Variants in STK32A observed in about 807,000 individuals in gnomAD.
The protein encoded by STK32A is serine/threonine-protein kinase 32A.
Under a neutral mutation model 53.2 loss-of-function variants are expected in STK32A, and 41 were observed. That is an observed-to-expected ratio of 0.77 (90% confidence interval 0.60 to 1.00). The LOEUF (loss-of-function observed/expected upper bound fraction) is 1.00, where lower values mean the gene tolerates loss of function less well. STK32A is among the 50% of genes least tolerant of loss of function. STK32A has a pLI of 0.00. For missense variants in STK32A, 458 were observed against 485.8 expected, an observed-to-expected ratio of 0.94 and a Z score of 0.54; for synonymous variants, 166 against 162.8, an observed-to-expected ratio of 1.02 and a Z score of -0.15.
chr5:147,287,287 C>T (rs183308375), intron 4 of STK32A, among the ~76,000 whole-genome samples: 5 of 152,156 alleles, frequency 3.3e-5, no homozygotes, highest in South Asian at 4.2e-4. Flanking sequence ...CATTTTAATG[C>T]GTCCATTATG....
At chr5:147,357,229 T>C (rs1416624763) in intron 7 of STK32A, among the ~76,000 whole-genome samples, 1 of 152,158 alleles carries the variant, frequency 6.6e-6, no homozygotes, top group Non-Finnish European at 1.5e-5. Context: ...TGAAAATTCA[T>C]ATTAACTTGT....
chr5:147,312,768 T>C (rs1753767162), intron 4 of STK32A, among the ~76,000 whole-genome samples: 1 of 152,230 alleles, frequency 6.6e-6, no homozygotes, highest in Non-Finnish European at 1.5e-5. Flanking sequence ...ACTGACGTAC[T>C]GCTGGTGGCA....
intron 11 of STK32A, among the ~76,000 whole-genome samples, chr5:147,381,944 A>G (rs1757471022): frequency 6.6e-6 from 1 of 152,148 alleles, no homozygotes; most frequent in Admixed American, 6.5e-5. Context: ...AAAATACACT[A>G]ACACTAACGA....
In STK32A at chr5:147,375,044, G is replaced by C. The variant is rs1409622285; in HGVS notation, c.904-46G>C. The C allele has an allele frequency of 3.2e-6, 5 of 1,546,336 alleles. No individual in the cohort carries two copies. In the African/African-American group the frequency reaches 4.2e-5, roughly 13 times the overall value. On this transcript the variant is annotated intron_variant, in intron 10 of 12. Coordinates refer to ENST00000397936, the MANE Select transcript of STK32A (RefSeq NM_001112724.2). The stretch of plus-strand genomic sequence containing the variant: ...CGTATTAGGTCTGCTGTGTTTTTCA[G>C]AATGATACAGTAATCTGAGGATTGA...
At chr5:147,239,731 A>T (rs1446634478) in intron 2 of STK32A, 45 bp downstream of exon 2, 2 of 1,427,796 alleles carry the variant, frequency 1.4e-6, no homozygotes, top group Non-Finnish European at 1.9e-6. Flanking sequence ...GAATTTTGCA[A>T]AATTCAAGTA....
intron 10 of STK32A, among the ~76,000 whole-genome samples, chr5:147,373,737 CTTTG>C (rs1757109160): frequency 6.6e-6 from 1 of 152,068 alleles, no homozygotes; most frequent in South Asian, 2.1e-4. Context: ...GCCCCTCATC[CTTTG>C]TTTGTTCTGT....
chr5:147,256,063 C>T (rs766408133), intron 2 of STK32A, among the ~76,000 whole-genome samples: 1 of 152,178 alleles, frequency 6.6e-6, no homozygotes, highest in Non-Finnish European at 1.5e-5. Flanking sequence ...AGTTATTTGG[C>T]AGAGTGTCCA....
At chr5:147,305,622 A>G (rs1753369387) in intron 4 of STK32A, among the ~76,000 whole-genome samples, 1 of 152,098 alleles carries the variant, frequency 6.6e-6, no homozygotes, top group Non-Finnish European at 1.5e-5. Context: ...GAGAAATTAA[A>G]TCATTTAATG....
intron 2 of STK32A, among the ~76,000 whole-genome samples, chr5:147,242,144 T>C (rs1343560997): frequency 6.6e-6 from 1 of 152,202 alleles, no homozygotes; most frequent in Non-Finnish European, 1.5e-5. Context: ...CCTTTTCTGT[T>C]GTCTGGCTTC....
At position 147,355,788 on chromosome 5, in the gene STK32A, G is replaced by GTATATATATATATATA. The variant is rs1354487817; in HGVS notation, c.562+4635_562+4636insATATATATATATATAT. On this transcript the variant is annotated intron_variant, in intron 7 of 12. Transcript: ENST00000397936. ...TGTATATGTATGTGTGTGAGTGTGTGTGTGTATATATATATATATATATAA... is the reference window on the plus strand; with the variant it reads ...TGTATATGTATGTGTGTGAGTGTGTGTATATATATATATATATGTGTATATATATATATATATATAA... 2.3e-3 allele frequency among the ~76,000 whole-genome samples: 317 copies of GTATATATATATATATA among 137,444 alleles called. 2 individuals carry two copies. Among genetic ancestry groups the GTATATATATATATATA allele is most frequent in the African/African-American group, 8.2e-3 (307 of 37,336 alleles). 90.2% of individuals were successfully genotyped at this position (137,444 alleles called of 152,430 possible). A position where few individuals can be genotyped will look rare whatever the true frequency, so the allele number is the denominator to read the frequency against.
intron 4 of STK32A, among the ~76,000 whole-genome samples, chr5:147,295,192 C>G (rs1752811295): frequency 6.6e-6 from 1 of 152,166 alleles, no homozygotes; most frequent in Non-Finnish European, 1.5e-5. Context: ...CCATATAACT[C>G]AGACATTTTA....
At chr5:147,360,716 A>G (rs992314466) in intron 7 of STK32A, among the ~76,000 whole-genome samples, 2 of 152,202 alleles carry the variant, frequency 1.3e-5, no homozygotes, top group African/African-American at 4.8e-5. Context: ...CAGATTCTGT[A>G]TTAGACAGTA....
chr5:147,383,177 A>G (rs955494941), intron 11 of STK32A: 4 of 458,448 alleles, frequency 8.7e-6, no homozygotes, highest in Admixed American at 9.0e-5. Context: ...GCAAGCTTTC[A>G]ATAGACTCCA....
At chr5:147,369,871 T>C (rs1051892936) in intron 8 of STK32A, among the ~76,000 whole-genome samples, 1 of 152,170 alleles carries the variant, frequency 6.6e-6, no homozygotes, top group African/African-American at 2.4e-5. Flanking sequence ...TGGCTGTGAG[T>C]ATCTTACAGT....
intron 5 of STK32A, among the ~76,000 whole-genome samples, chr5:147,324,682 T>C (rs35017781): frequency 6.6e-6 from 1 of 152,236 alleles, no homozygotes; most frequent in African/African-American, 2.4e-5. Flanking sequence ...TGATTTTATA[T>C]ATAGTATCTC....
At chr5:147,374,990 C>T in intron 10 of STK32A, 100 bp from the exon 11 acceptor site, 1 of 1,069,126 alleles carries the variant, frequency 9.4e-7, no homozygotes, top group Non-Finnish European at 1.3e-6. Flanking sequence ...TATTCATGGA[C>T]TGCTCCGTTA....
intron 4 of STK32A, among the ~76,000 whole-genome samples, chr5:147,304,677 T>A (rs1290458009): frequency 6.6e-6 from 1 of 152,180 alleles, no homozygotes; most frequent in Admixed American, 6.5e-5. Context: ...ACAACAGTCA[T>A]GAAGCTAATC....
intron 2 of STK32A, among the ~76,000 whole-genome samples, chr5:147,265,968 A>G (rs895744007): frequency 6.6e-6 from 1 of 152,156 alleles, no homozygotes; most frequent in African/African-American, 2.4e-5. Context: ...ATCACGCAAT[A>G]TTCCTTCTTA....
chr5:147,345,756 G>A (rs1455505174), intron 6 of STK32A, among the ~76,000 whole-genome samples: 1 of 151,996 alleles, frequency 6.6e-6, no homozygotes, highest in Non-Finnish European at 1.5e-5. Flanking sequence ...ATTCCAGTGT[G>A]CCAGAGAGAG....
Sources: gnomAD v4.1 joint callset for allele counts (sites outside exome capture counted in the v4.1 genomes callset) on GRCh38, gnomAD v4.1.1 for gene constraint, MANE v1.5 for transcripts, NCBI Gene and HGNC (gene_info 2026-07-23, HGNC 2026-07-21) for gene names.